The following HMGN5 variants were observed in gnomAD, a reference collection of about 807,000 sequenced individuals.
The protein encoded by HMGN5 is high mobility group nucleosome binding domain 5, also known as high mobility group nucleosome-binding domain-containing protein 5.
In HMGN5, 4 loss-of-function variants were observed where a neutral mutation model predicts 9.5. The ratio of observed to expected loss-of-function variants is 0.42; its 90% CI spans 0.21 to 0.96. HMGN5 has a LOEUF of 0.96. HMGN5 is among the 40% of genes least tolerant of loss of function. The pLI, the probability that HMGN5 is intolerant of heterozygous loss-of-function variation, is 0.30. For synonymous variants in HMGN5, 55 were observed against 57.1 expected (o/e 0.96, Z 0.16); for missense variants, 192 against 187.5 (o/e 1.02, Z -0.14).
intron 1 of HMGN5, among the ~76,000 whole-genome samples, chrX:81,142,562 G>A (rs988641716): frequency 2.3e-4 from 26 of 111,481 alleles, no homozygotes; most frequent in Non-Finnish European, 2.8e-4. Flanking sequence ...AGGAGAGATT[G>A]ACATGACATA....
chrX:81,116,474 A>G (rs1389440782), intron 5 of HMGN5, 133 bp from the exon 6 acceptor site: 5 of 409,785 alleles, frequency 1.2e-5, no homozygotes, highest in African/African-American at 1.0e-4. Context: ...TAAATCTGGT[A>G]TCAACAAAAT....
At chrX:81,125,910 C>T (rs777861819) in intron 1 of HMGN5, among the ~76,000 whole-genome samples, 65 of 110,622 alleles carry the variant, frequency 5.9e-4, no homozygotes, top group African/African-American at 2.0e-3. Flanking sequence ...CTCTTTGGGA[C>T]GCTGAGGCGG....
chrX:81,171,098 G>A (rs112473042), intron 1 of HMGN5, among the ~76,000 whole-genome samples: 2,215 of 111,347 alleles, frequency 0.02, 44 homozygotes, highest in African/African-American at 0.062. Context: ...TCGCTATTGA[G>A]ACTCAGGAGA....
intron 1 of HMGN5, among the ~76,000 whole-genome samples, chrX:81,143,838 C>T (rs148573474): frequency 0.011 from 1,274 of 111,847 alleles, 23 homozygotes; most frequent in African/African-American, 0.04. Context: ...ATTGCTGAGG[C>T]TTGAGTAGAC....
Position 81,121,667 on chromosome X carries a change from T to G in HMGN5, c.-118A>C. On this transcript the variant is annotated 5_prime_UTR_variant, in exon 2 of 7. Transcript: ENST00000358130. ...GAACTAACTGCAGCACGACCTGTACTCTCCTCTGGAAAAAAAAAAAATCCC... is the reference window on the plus strand; with the variant it reads ...GAACTAACTGCAGCACGACCTGTACGCTCCTCTGGAAAAAAAAAAAATCCC... The G allele has an allele frequency of 2.2e-6, 1 of 462,518 alleles. No individual in the cohort carries two copies. Among genetic ancestry groups the G allele is most frequent in the Non-Finnish European group, 3.6e-6 (1 of 278,585 alleles). The allele number at this position is 462,518 out of a possible 1,213,427, so 38.1% of individuals were successfully genotyped here.
chrX:81,138,081 C>CATT (rs2075316526), intron 1 of HMGN5, among the ~76,000 whole-genome samples: 1 of 111,591 alleles, frequency 9.0e-6, no homozygotes, highest in African/African-American at 3.2e-5. Flanking sequence ...AAAGATATAA[C>CATT]ATTTCCTAAT....
At chrX:81,138,055 T>A (rs1331693769) in intron 1 of HMGN5, among the ~76,000 whole-genome samples, 1 of 111,926 alleles carries the variant, frequency 8.9e-6, no homozygotes, top group Non-Finnish European at 1.9e-5. Flanking sequence ...TTCTACATGA[T>A]GCCTTCCAAA....
At chrX:81,175,964 T>C (rs1204247905) in intron 1 of HMGN5, among the ~76,000 whole-genome samples, 4 of 112,008 alleles carry the variant, frequency 3.6e-5, no homozygotes, top group African/African-American at 9.7e-5. Context: ...ATGGACAGAC[T>C]GCCTCCTCAA....
chrX:81,156,914 G>A (rs919608631), intron 1 of HMGN5, among the ~76,000 whole-genome samples: 1 of 111,173 alleles, frequency 9.0e-6, no homozygotes, highest in Admixed American at 9.7e-5. Context: ...GATGAAGCTC[G>A]TAGTTCAGGA....
chrX:81,132,452 C>A (rs1258193431), intron 1 of HMGN5, among the ~76,000 whole-genome samples: 1 of 111,744 alleles, frequency 8.9e-6, no homozygotes, highest in Non-Finnish European at 1.9e-5. Context: ...TGCTACCCGA[C>A]TTCAAACTAT....
intron 1 of HMGN5, 150 bp from the exon 2 acceptor site, chrX:81,121,822 G>A: frequency 3.5e-6 from 1 of 287,863 alleles, no homozygotes; most frequent in Non-Finnish European, 6.1e-6. Context: ...GAGGGGCGTG[G>A]CCCGCGAACT....
chrX:81,132,698 A>G (rs1050250923), intron 1 of HMGN5, among the ~76,000 whole-genome samples: 2 of 111,693 alleles, frequency 1.8e-5, no homozygotes, highest in Admixed American at 1.9e-4. Flanking sequence ...AATTAACTCA[A>G]GATGGATAAA....
intron 1 of HMGN5, among the ~76,000 whole-genome samples, chrX:81,154,431 A>G (rs2075377329): frequency 9.0e-6 from 1 of 111,160 alleles, no homozygotes; most frequent in Admixed American, 9.6e-5. Flanking sequence ...CACTGGAGAA[A>G]CTCCCCACGA....
intron 1 of HMGN5, among the ~76,000 whole-genome samples, chrX:81,153,730 A>G (rs1194268398): frequency 1.0e-5 from 1 of 97,679 alleles, no homozygotes; most frequent in Non-Finnish European, 2.0e-5. Flanking sequence ...TGCAGGATAC[A>G]AAATCTACAT....
intron 1 of HMGN5, among the ~76,000 whole-genome samples, chrX:81,133,496 G>A (rs892776911): frequency 1.8e-5 from 2 of 111,567 alleles, no homozygotes; most frequent in African/African-American, 6.5e-5. Context: ...AGAAAATGTG[G>A]CACAAATACA....
intron 1 of HMGN5, among the ~76,000 whole-genome samples, chrX:81,150,830 C>T (rs1259639988): frequency 9.0e-6 from 1 of 111,225 alleles, no homozygotes; most frequent in Non-Finnish European, 1.9e-5. Flanking sequence ...TCATTAGTAG[C>T]TACTATGAGC....
chrX:81,118,645 A>G lies in HMGN5; in HGVS notation c.75+85T>C, dbSNP rs1048145126. 3 of 901,961 alleles carry G rather than the reference A, an allele frequency of 3.3e-6. No individual in the cohort carries two copies. In the African/African-American group the frequency reaches 6.0e-5, roughly 18 times the overall value. The allele number at this position is 901,961 out of a possible 1,213,427, so 74.3% of individuals were successfully genotyped here. ...GTTTTTCTTAAAACTTCAAAAATAA[A>G]TCGTGTATTGAATATTTTAGGATTC... On this transcript the variant is annotated intron_variant, in intron 4 of 6. Transcript: ENST00000358130.
chrX:81,153,292 C>A (rs1436816566), intron 1 of HMGN5, among the ~76,000 whole-genome samples: 2 of 107,396 alleles, frequency 1.9e-5, no homozygotes, highest in Non-Finnish European at 3.8e-5. Flanking sequence ...GTGGCTCACA[C>A]CTGTAATCCC....
chrX:81,140,516 C>T (rs1397803582), intron 1 of HMGN5, among the ~76,000 whole-genome samples: 12 of 97,769 alleles, frequency 1.2e-4, no homozygotes, highest in Admixed American at 1.2e-4. Context: ...GGCGAGATCG[C>T]GCCACTGCAC....
Sources: allele counts gnomAD v4.1 joint callset (sites outside exome capture counted in the v4.1 genomes callset), GRCh38; gene constraint gnomAD v4.1.1; transcripts MANE v1.5; gene names NCBI Gene and HGNC (gene_info 2026-07-23, HGNC 2026-07-21).